SLC5A4: variants seen among roughly 807,000 people sequenced by gnomAD.
SLC5A4 encodes solute carrier family 5 member 4.
Under a neutral mutation model 70.3 loss-of-function variants are expected in SLC5A4, and 55 were observed. That is an observed-to-expected ratio of 0.78 (90% CI 0.63 to 0.98). The LOEUF (loss-of-function observed/expected upper bound fraction) is 0.98. Ranked by LOEUF, SLC5A4 falls within the 50% of genes least tolerant of loss-of-function variation. The pLI, the probability that SLC5A4 is intolerant of heterozygous loss-of-function variation, is 0.00. For synonymous variants in SLC5A4, 268 were observed against 305.7 expected, an observed-to-expected ratio of 0.88 and a Z score of 1.29; for missense variants, 735 against 839.2, an observed-to-expected ratio of 0.88 and a Z score of 1.53.
intron 3 of SLC5A4, among the ~76,000 whole-genome samples, chr22:32,251,261 C>G (rs1281686578): frequency 6.7e-6 from 1 of 148,242 alleles, no homozygotes; most frequent in African/African-American, 2.5e-5. Flanking sequence ...ATGGTTTCAA[C>G]GTGTACCACC....
At chr22:32,260,752 G>A in the SLC5A4 span, among the ~76,000 whole-genome samples, 5 of 152,144 alleles carry the variant, frequency 3.3e-5, no homozygotes, top group South Asian at 8.3e-4. Flanking sequence ...AACGGATGGA[G>A]ACAAATCCAG....
chr22:32,246,829 A>C (rs1032037964), intron 5 of SLC5A4, among the ~76,000 whole-genome samples: 2 of 152,130 alleles, frequency 1.3e-5, no homozygotes, highest in East Asian at 1.9e-4. Flanking sequence ...CACCAGGCCC[A>C]AAAAAATGTA....
At chr22:32,246,323 C>T (rs1926828785) in intron 5 of SLC5A4, among the ~76,000 whole-genome samples, 1 of 152,134 alleles carries the variant, frequency 6.6e-6, no homozygotes, top group South Asian at 2.1e-4. Context: ...CAACTCGGTT[C>T]AACAGAGGAG....
chr22:32,319,441 T>C, the SLC5A4 span, among the ~76,000 whole-genome samples: 1 of 141,946 alleles, frequency 7.0e-6, no homozygotes, highest in Admixed American at 6.9e-5. Context: ...ACTGGAACTC[T>C]CACCATTGGC....
chr22:32,270,462 G>T, the SLC5A4 span: 1 of 978,200 alleles, frequency 1.0e-6, no homozygotes. Flanking sequence ...ATCCCAAGGG[G>T]GAGGGCACGG....
the SLC5A4 span, among the ~76,000 whole-genome samples, chr22:32,285,478 T>C: frequency 2.0e-5 from 3 of 152,154 alleles, no homozygotes; most frequent in African/African-American, 4.8e-5. Flanking sequence ...GCCTTACAAG[T>C]GGCTATGCAT....
rs577554852 is a variant in SLC5A4, at chr22:32,238,097, T to C, written c.584-773A>G. 1.8e-4 allele frequency among the ~76,000 whole-genome samples: 28 copies of C among 152,292 alleles called. 1 individual carries two copies. In the South Asian group the frequency reaches 5.8e-3, roughly 32 times the overall value. On this transcript the variant is annotated intron_variant, in intron 6 of 14. Transcript: ENST00000266086. ...CAGGAACTGTTGGAAGACATTATCA[T>C]GAAGACTGTCTCCTAGCAACAGCCA...
At chr22:32,292,612 A>C in the SLC5A4 span, among the ~76,000 whole-genome samples, 1 of 151,728 alleles carries the variant, frequency 6.6e-6, no homozygotes, top group Non-Finnish European at 1.5e-5. Context: ...TCCTATATAT[A>C]TATATTTTAT....
At chr22:32,239,477 A>G (rs1926257446) in intron 5 of SLC5A4, among the ~76,000 whole-genome samples, 2 of 127,370 alleles carry the variant, frequency 1.6e-5, no homozygotes, top group Non-Finnish European at 3.2e-5. Context: ...GGCTGCAGTG[A>G]GCAGTAATTG....
In SLC5A4 at chr22:32,224,167, G is replaced by A. The variant is rs1030661246; in HGVS notation, c.1665+100C>T. On this transcript the variant is annotated intron_variant, in intron 13 of 14. Coordinates refer to ENST00000266086, the MANE Select transcript of SLC5A4 (RefSeq NM_014227.3). ...CATCTCCTGACCTCGTGATCCGCCCGCCTTGGCCTCCCAAAGTGCTGGGAT... is the reference window on the plus strand; with the variant it reads ...CATCTCCTGACCTCGTGATCCGCCCACCTTGGCCTCCCAAAGTGCTGGGAT... 6.8e-4 allele frequency: 575 copies of A among 846,020 alleles called. 6 individuals are homozygous for A. Among genetic ancestry groups the A allele is most frequent in the Non-Finnish European group, 1.2e-4 (62 of 514,890 alleles). The allele number at this position is 846,020 out of a possible 1,614,324, so 52.4% of individuals were successfully genotyped here. A position where few individuals can be genotyped will look rare whatever the true frequency, so the allele number is the denominator to read the frequency against.
chr22:32,318,700 G>GGTTTT, the SLC5A4 span, among the ~76,000 whole-genome samples: 2 of 152,174 alleles, frequency 1.3e-5, no homozygotes, highest in Admixed American at 6.5e-5. Context: ...TCTCAACACA[G>GGTTTT]CAGCCAGAGA....
At chr22:32,271,247 G>A in the SLC5A4 span, 69 of 792,142 alleles carry the variant, frequency 8.7e-5, no homozygotes, top group East Asian at 1.8e-3. Context: ...GTGGGGCAGC[G>A]GGTCCTCATG....
chr22:32,329,571 C>CGGGCTCTGGTGTGGGTCTTGG, the SLC5A4 span, among the ~76,000 whole-genome samples: 1 of 64,192 alleles, frequency 1.6e-5, no homozygotes, highest in Admixed American at 2.1e-4. Flanking sequence ...GTGTGTGTTG[C>CGGGCTCTGGTGTGGGTCTTGG]GGGCTCTGGT....
intron 6 of SLC5A4, among the ~76,000 whole-genome samples, chr22:32,238,238 CA>C (rs1165031624): frequency 6.6e-6 from 1 of 152,026 alleles, no homozygotes; most frequent in East Asian, 1.9e-4. Flanking sequence ...CTCCTTGCCC[CA>C]ACCCCCTTGG....
the SLC5A4 span, among the ~76,000 whole-genome samples, chr22:32,266,090 A>G: frequency 1.3e-5 from 2 of 152,230 alleles, no homozygotes; most frequent in Non-Finnish European, 2.9e-5. Context: ...CCATTTAGCC[A>G]TGTCATTCAG....
the SLC5A4 span, among the ~76,000 whole-genome samples, chr22:32,354,008 A>G: frequency 1.8e-5 from 2 of 108,294 alleles, no homozygotes; most frequent in African/African-American, 7.3e-5. Flanking sequence ...CACCCAACCC[A>G]CCCCCTGCGC....
the SLC5A4 span, among the ~76,000 whole-genome samples, chr22:32,275,460 A>G: frequency 6.6e-6 from 1 of 152,134 alleles, no homozygotes; most frequent in Non-Finnish European, 1.5e-5. Context: ...GAGTGAGAAC[A>G]TGCGGTGTTT....
At chr22:32,306,590 C>G in the SLC5A4 span, among the ~76,000 whole-genome samples, 12 of 152,274 alleles carry the variant, frequency 7.9e-5, no homozygotes, top group South Asian at 2.1e-4. Context: ...TATCAGCTCT[C>G]AGAGAGACCC....
At chr22:32,286,994 A>G in the SLC5A4 span, among the ~76,000 whole-genome samples, 26 of 152,354 alleles carry the variant, frequency 1.7e-4, no homozygotes, top group African/African-American at 6.0e-4. Flanking sequence ...GGTAAGTGCC[A>G]TGATATTGTG....
Sources: allele counts gnomAD v4.1 joint callset (sites outside exome capture counted in the v4.1 genomes callset), GRCh38; gene constraint gnomAD v4.1.1; transcripts MANE v1.5; gene names NCBI Gene and HGNC (gene_info 2026-07-23, HGNC 2026-07-21).